SCAPER: variants seen among roughly 807,000 people sequenced by gnomAD.
SCAPER encodes S phase cyclin A-associated protein in the endoplasmic reticulum.
In SCAPER, 98 loss-of-function variants were observed where a neutral mutation model predicts 182.2. The observed-to-expected ratio is 0.54, with a 90% CI of 0.46 to 0.64. The LOEUF (loss-of-function observed/expected upper bound fraction) is 0.64, where lower values mean the gene tolerates loss of function less well. Ranked by LOEUF, SCAPER falls within the 30% of genes least tolerant of loss-of-function variation. SCAPER has a pLI of 0.00. For missense variants in SCAPER, 1,432 were observed against 1,690.0 expected (o/e 0.85, Z 2.68); for synonymous variants, 605 against 564.6 (o/e 1.07, Z -1.01).
chr15:76,548,637 T>C (rs1288755090), intron 23 of SCAPER, among the ~76,000 whole-genome samples: 2 of 152,168 alleles, frequency 1.3e-5, no homozygotes, highest in Non-Finnish European at 2.9e-5. Flanking sequence ...GGCATAGTTT[T>C]TGTTGCTATT....
intron 20 of SCAPER, among the ~76,000 whole-genome samples, chr15:76,680,284 A>G (rs772823887): frequency 5.3e-5 from 8 of 152,080 alleles, no homozygotes; most frequent in Non-Finnish European, 7.4e-5. Flanking sequence ...GAATGACAGA[A>G]AATGATATAC....
intron 14 of SCAPER, among the ~76,000 whole-genome samples, chr15:76,763,422 C>T (rs971075465): frequency 6.6e-6 from 1 of 152,010 alleles, no homozygotes; most frequent in Non-Finnish European, 1.5e-5. Flanking sequence ...AATTCTGTCT[C>T]TTGAGTTTTG....
chr15:76,765,330 G>A lies in SCAPER; in HGVS notation c.1613+7C>T, dbSNP rs375009449. The A allele has an allele frequency of 3.1e-6, 5 of 1,599,170 alleles. No homozygotes were observed. The African/African-American group carries it at 5.4e-5, about 17-fold the overall frequency. ...AACCATTTCAAATTAATTTTCAAATGCCAGACCTTTTACGAGAGGGTGAAG... is the reference window on the plus strand; with the variant it reads ...AACCATTTCAAATTAATTTTCAAATACCAGACCTTTTACGAGAGGGTGAAG... On this transcript the variant is annotated splice_region_variant and intron_variant, in intron 13 of 31. Transcript: ENST00000563290.
rs114155077 is a variant in SCAPER, at chr15:76,882,984, G to T, written c.6+828C>A. On this transcript the variant is annotated intron_variant, in intron 2 of 31. Coordinates refer to ENST00000563290, the MANE Select transcript of SCAPER (RefSeq NM_020843.4). ...CGGCCCTCTCCTGCTCTTTCAACCA[G>T]AAGAAGGGGCTCTGCCCTGAGCGCC... Among the ~76,000 whole-genome samples the T allele has an allele frequency of 2.8e-3, 421 of 152,282 alleles. 1 individual carries two copies. Among genetic ancestry groups the T allele is most frequent in the African/African-American group, 9.8e-3 (406 of 41,552 alleles).
chr15:76,679,705 C>T (rs968925330), intron 20 of SCAPER, among the ~76,000 whole-genome samples: 3 of 152,114 alleles, frequency 2.0e-5, no homozygotes, highest in African/African-American at 7.2e-5. Flanking sequence ...GATGACAGTT[C>T]ACCATCTGTC....
At chr15:76,838,388 G>T (rs2069140635) in intron 5 of SCAPER, among the ~76,000 whole-genome samples, 1 of 152,080 alleles carries the variant, frequency 6.6e-6, no homozygotes, top group Admixed American at 6.6e-5. Context: ...GGAGACACTG[G>T]GGCCCAACTC....
intron 2 of SCAPER, among the ~76,000 whole-genome samples, chr15:76,877,591 A>C (rs925239171): frequency 1.3e-5 from 2 of 152,240 alleles, no homozygotes; most frequent in Non-Finnish European, 2.9e-5. Flanking sequence ...TATACCTCCT[A>C]AAGTGATGTA....
intron 21 of SCAPER, among the ~76,000 whole-genome samples, chr15:76,627,283 T>A (rs1464395016): frequency 6.6e-6 from 1 of 152,178 alleles, no homozygotes; most frequent in Non-Finnish European, 1.5e-5. Context: ...TTTTTTTATC[T>A]TTATAAAAAA....
intron 21 of SCAPER, among the ~76,000 whole-genome samples, chr15:76,652,371 C>CACATATATATAT (rs764864981): frequency 1.9e-3 from 15 of 8,060 alleles, no homozygotes; most frequent in East Asian, 4.1e-3. Flanking sequence ...CACACACACA[C>CACATATATATAT]ATATATATAT....
At chr15:76,596,442 G>A (rs1265010072) in intron 22 of SCAPER, among the ~76,000 whole-genome samples, 2 of 119,856 alleles carry the variant, frequency 1.7e-5, no homozygotes, top group African/African-American at 2.5e-5. Flanking sequence ...GAAAAAGACG[G>A]ACTCCTCCCT....
Position 76,471,271 on chromosome 15 carries a change from C to A in SCAPER, c.3019G>T (p.Asp1007Tyr). 6.2e-7 allele frequency: 1 copy of A among 1,612,582 alleles called. No individual in the cohort carries two copies. The highest frequency in any genetic ancestry group is 1.1e-5 in the South Asian group (1 of 90,930). ...TCNNCSENCSDVLFSNKITFL... is the reference protein window; with the variant it reads ...TCNNCSENCSYVLFSNKITFL... ...GTAATCTTGTTACTAAACAGAACATCACTGCAGTTTTCTGAACAGTTATTG... is the reference window on the plus strand; with the variant it reads ...GTAATCTTGTTACTAAACAGAACATAACTGCAGTTTTCTGAACAGTTATTG... The change falls in exon 25 of 32, where the codon GAT becomes TAT. Residue 1007 changes from aspartate to tyrosine, a missense_variant. Physicochemically the swap from Asp to Tyr is radical, Grantham distance 160. Coordinates refer to ENST00000563290, the MANE Select transcript of SCAPER (RefSeq NM_020843.4).
chr15:76,430,209 G>A (rs1054414227), intron 26 of SCAPER, among the ~76,000 whole-genome samples: 1 of 152,230 alleles, frequency 6.6e-6, no homozygotes, highest in Non-Finnish European at 1.5e-5. Flanking sequence ...TTGCTGCAGG[G>A]GAGGGGCTGT....
intron 8 of SCAPER, among the ~76,000 whole-genome samples, chr15:76,787,136 C>T (rs776497702): frequency 1.3e-5 from 2 of 152,054 alleles, no homozygotes; most frequent in Non-Finnish European, 2.9e-5. Flanking sequence ...TAAATAAGTT[C>T]ATTCCAAAAA....
intron 23 of SCAPER, among the ~76,000 whole-genome samples, chr15:76,535,947 A>G (rs1468384958): frequency 6.6e-6 from 1 of 152,216 alleles, no homozygotes; most frequent in Non-Finnish European, 1.5e-5. Flanking sequence ...GAGTTGACTT[A>G]ATAACTGTTC....
intron 25 of SCAPER, among the ~76,000 whole-genome samples, chr15:76,455,587 A>T (rs142766723): frequency 6.6e-6 from 1 of 152,300 alleles, no homozygotes; most frequent in Non-Finnish European, 1.5e-5. Flanking sequence ...AAGCAATTCT[A>T]TCTCAGCCTT....
intron 27 of SCAPER, among the ~76,000 whole-genome samples, chr15:76,389,019 C>T (rs1459947867): frequency 6.6e-6 from 1 of 151,980 alleles, no homozygotes; most frequent in Non-Finnish European, 1.5e-5. Context: ...GCACACCCTC[C>T]CTCTCTGACC....
At chr15:76,850,859 C>CAAAA (rs59202490) in intron 4 of SCAPER, among the ~76,000 whole-genome samples, 1 of 90,048 alleles carries the variant, frequency 1.1e-5, no homozygotes, top group Non-Finnish European at 2.3e-5. Context: ...GACTCTGTCT[C>CAAAA]AAAAAAAAAA....
At chr15:76,589,084 T>C (rs909042256) in intron 22 of SCAPER, among the ~76,000 whole-genome samples, 7 of 152,118 alleles carry the variant, frequency 4.6e-5, no homozygotes, top group Admixed American at 3.9e-4. Context: ...ATATCTCTAA[T>C]GTGAACTGTC....
At chr15:76,854,880 G>A (rs996206244) in intron 4 of SCAPER, among the ~76,000 whole-genome samples, 27 of 151,428 alleles carry the variant, frequency 1.8e-4, no homozygotes, top group African/African-American at 6.6e-4. Context: ...GCTGAGGTAG[G>A]AGAATGGCCT....
Sources: gnomAD v4.1 joint callset for allele counts (sites outside exome capture counted in the v4.1 genomes callset) on GRCh38, gnomAD v4.1.1 for gene constraint, MANE v1.5 for transcripts, NCBI Gene and HGNC (gene_info 2026-07-23, HGNC 2026-07-21) for gene names.